The following SPIN1 variants were observed in gnomAD, a reference collection of about 807,000 sequenced individuals.
The protein encoded by SPIN1 is spindlin-1.
Under a neutral mutation model 26.0 loss-of-function variants are expected in SPIN1, and 3 were observed. That is an observed-to-expected ratio of 0.12 (90% CI 0.05 to 0.30). The LOEUF is 0.30. Ranked by LOEUF, SPIN1 falls within the 10% of genes least tolerant of loss-of-function variation. The probability of loss-of-function intolerance (pLI) is 1.00; values close to 1 mark genes in which losing one functional copy is unlikely to be tolerated. For synonymous variants in SPIN1, 101 were observed against 116.5 expected, an observed-to-expected ratio of 0.87 and a Z score of 0.86; for missense variants, 126 against 333.4, an observed-to-expected ratio of 0.38 and a Z score of 4.84.
At chr9:88,449,716 G>C (rs1828321561) in intron 3 of SPIN1, among the ~76,000 whole-genome samples, 1 of 152,040 alleles carries the variant, frequency 6.6e-6, no homozygotes, top group Non-Finnish European at 1.5e-5. Flanking sequence ...TGATAACTAT[G>C]CCACTTCAAA....
chr9:88,400,703 G>A (rs1040778846), intron 1 of SPIN1, among the ~76,000 whole-genome samples: 1 of 152,152 alleles, frequency 6.6e-6, no homozygotes, highest in Non-Finnish European at 1.5e-5. Flanking sequence ...AAAATTAAGC[G>A]GATATCATGG....
At chr9:88,404,239 G>C (rs1827249055) in intron 1 of SPIN1, among the ~76,000 whole-genome samples, 1 of 152,136 alleles carries the variant, frequency 6.6e-6, no homozygotes, top group Non-Finnish European at 1.5e-5. Flanking sequence ...GAATGTGAAG[G>C]CCTAGGACAT....
In SPIN1 at chr9:88,475,911, TG is replaced by T. The variant is rs1587820809; in HGVS notation, c.*635del. The T allele has an allele frequency of 6.6e-6, 1 of 151,292 alleles. No homozygotes were observed. The highest frequency in any genetic ancestry group is 1.9e-4 in the East Asian group (1 of 5,194). 9.4% of individuals were successfully genotyped at this position (151,292 alleles called of 1,614,324 possible). A position where few individuals can be genotyped will look rare whatever the true frequency, so the allele number is the denominator to read the frequency against. Reference sequence around the variant, plus strand: ...AGGAACCATATGGGAACATTCAGCTTGTTTAAAAAAAAAAAATCAGAAGTTC... The same window carrying T: ...AGGAACCATATGGGAACATTCAGCTTTTTAAAAAAAAAAAATCAGAAGTTC... On this transcript the variant is annotated 3_prime_UTR_variant, in exon 6 of 6. Coordinates refer to ENST00000375859, the MANE Select transcript of SPIN1 (RefSeq NM_006717.3).
chr9:88,447,377 T>A (rs935250636), intron 2 of SPIN1, among the ~76,000 whole-genome samples: 11 of 152,052 alleles, frequency 7.2e-5, no homozygotes, highest in African/African-American at 2.7e-4. Flanking sequence ...AATCTGCTAC[T>A]TTTTTTTGTG....
In SPIN1 at chr9:88,409,954, TCCCCCTGTAA is replaced by T. The variant is rs544265374; in HGVS notation, c.-158-16421_-158-16412del. On this transcript the variant is annotated intron_variant, in intron 1 of 5. Transcript: ENST00000375859. Reference sequence around the variant, plus strand: ...ACTCGAAGGGAGGTGAGTTTACCAGTCCCCCTGTAACCCCCTTTGGTATTTTCCGAATTTT... The same window carrying T: ...ACTCGAAGGGAGGTGAGTTTACCAGTCCCCCTTTGGTATTTTCCGAATTTT... 2.7e-3 allele frequency among the ~76,000 whole-genome samples: 413 copies of T among 152,216 alleles called. 3 individuals are homozygous for T. Among genetic ancestry groups the T allele is most frequent in the African/African-American group, 9.2e-3 (384 of 41,560 alleles).
intron 1 of SPIN1, among the ~76,000 whole-genome samples, chr9:88,392,620 TTTCCTTCCTTCCTTCC>T (rs562738823): frequency 2.0e-5 from 3 of 151,920 alleles, no homozygotes; most frequent in Non-Finnish European, 4.4e-5. Context: ...TCCTTCCTTC[TTTCCTTCCTTCCTTCC>T]TTCCTCCCTC....
chr9:88,415,487 C>T (rs1827540557), intron 1 of SPIN1: 1 of 152,182 alleles, frequency 6.6e-6, no homozygotes, highest in African/African-American at 2.4e-5. Context: ...GCCATCCTGG[C>T]TCACTGCAAC....
intron 2 of SPIN1, among the ~76,000 whole-genome samples, chr9:88,433,346 G>A (rs770695675): frequency 1.3e-5 from 2 of 152,180 alleles, no homozygotes; most frequent in African/African-American, 2.4e-5. Flanking sequence ...GTCTCCCTAA[G>A]TGCTGGGACT....
chr9:88,388,922 G>A (rs1323248648), intron 1 of SPIN1, among the ~76,000 whole-genome samples: 17 of 150,960 alleles, frequency 1.1e-4, no homozygotes, highest in Admixed American at 1.1e-3. Flanking sequence ...GCGGCGCTGC[G>A]CAGTCGGGCG....
chr9:88,452,009 T>C (rs1828363563), intron 3 of SPIN1, among the ~76,000 whole-genome samples: 1 of 152,230 alleles, frequency 6.6e-6, no homozygotes, highest in Non-Finnish European at 1.5e-5. Context: ...CATGCTACTG[T>C]TGAAAGGGGT....
At chr9:88,400,180 C>T (rs1390779280) in intron 1 of SPIN1, among the ~76,000 whole-genome samples, 1 of 152,150 alleles carries the variant, frequency 6.6e-6, no homozygotes, top group Non-Finnish European at 1.5e-5. Context: ...TCTTGTAGAT[C>T]TGTGGCTGGA....
chr9:88,421,775 A>G (rs1429931551), intron 1 of SPIN1, among the ~76,000 whole-genome samples: 2 of 151,590 alleles, frequency 1.3e-5, no homozygotes. Flanking sequence ...CCACCTTTCT[A>G]ATTTGTCTGT....
chr9:88,429,640 A>G (rs1309602216), intron 2 of SPIN1, among the ~76,000 whole-genome samples: 1 of 152,214 alleles, frequency 6.6e-6, no homozygotes, highest in Admixed American at 6.5e-5. Context: ...AGGAACCTTC[A>G]GATAGTGTTG....
At chr9:88,445,554 A>ATTG (rs1223359687) in intron 2 of SPIN1, among the ~76,000 whole-genome samples, 1 of 145,086 alleles carries the variant, frequency 6.9e-6, no homozygotes, top group Non-Finnish European at 1.5e-5. Context: ...TATTATTATT[A>ATTG]TTATTATTAT....
At chr9:88,404,708 GA>G (rs1314593131) in intron 1 of SPIN1, among the ~76,000 whole-genome samples, 1 of 151,978 alleles carries the variant, frequency 6.6e-6, no homozygotes, top group Non-Finnish European at 1.5e-5. Context: ...CTGAGGTCAG[GA>G]GTTCAAGACC....
At chr9:88,457,549 T>C (rs1828494871) in intron 3 of SPIN1, among the ~76,000 whole-genome samples, 1 of 151,788 alleles carries the variant, frequency 6.6e-6, no homozygotes, top group Non-Finnish European at 1.5e-5. Context: ...ATAAATAAAA[T>C]AAAACACCTT....
chr9:88,422,739 T>TG (rs1357839845), intron 1 of SPIN1, among the ~76,000 whole-genome samples: 1 of 151,556 alleles, frequency 6.6e-6, no homozygotes, highest in Non-Finnish European at 1.5e-5. Flanking sequence ...AATGAAGTCT[T>TG]GCTCTTGTCG....
chr9:88,408,552 T>C (rs924860825), intron 1 of SPIN1, among the ~76,000 whole-genome samples: 1 of 151,574 alleles, frequency 6.6e-6, no homozygotes, highest in Non-Finnish European at 1.5e-5. Context: ...CATTTTTGTA[T>C]TTTTAGGAGA....
intron 4 of SPIN1, among the ~76,000 whole-genome samples, chr9:88,465,042 A>G (rs1252651669): frequency 1.3e-5 from 2 of 152,190 alleles, no homozygotes; most frequent in African/African-American, 4.8e-5. Context: ...CACTTAGCAT[A>G]ATGTCCTCAA....
Sources: allele counts gnomAD v4.1 joint callset (sites outside exome capture counted in the v4.1 genomes callset), GRCh38; gene constraint gnomAD v4.1.1; transcripts MANE v1.5; gene names NCBI Gene and HGNC (gene_info 2026-07-23, HGNC 2026-07-21).